The following SUGCT variants were observed in gnomAD, a reference collection of about 807,000 sequenced individuals.
The protein encoded by SUGCT is succinyl-CoA:glutarate-CoA transferase.
Under a neutral mutation model 55.0 loss-of-function variants are expected in SUGCT, and 41 were observed. The ratio of observed to expected loss-of-function variants is 0.74; its 90% confidence interval spans 0.58 to 0.97. The LOEUF is 0.97. SUGCT is among the 50% of genes least tolerant of loss of function. SUGCT has a pLI of 0.00. For synonymous variants in SUGCT, 187 were observed against 200.4 expected, an observed-to-expected ratio of 0.93 and a Z score of 0.56; for missense variants, 568 against 547.8, an observed-to-expected ratio of 1.04 and a Z score of -0.37.
the SUGCT span, among the ~76,000 whole-genome samples, chr7:41,037,853 G>C: frequency 6.6e-6 from 1 of 151,856 alleles, no homozygotes; most frequent in Admixed American, 6.6e-5. Context: ...GAAGCTCCTA[G>C]TTCTTGGCAG....
the SUGCT span, among the ~76,000 whole-genome samples, chr7:40,907,731 A>C: frequency 3.3e-5 from 5 of 152,190 alleles, no homozygotes; most frequent in Non-Finnish European, 7.3e-5. Flanking sequence ...TTAATTCTGG[A>C]GGGATCTTTA....
intron 3 of SUGCT, among the ~76,000 whole-genome samples, chr7:40,186,950 C>A (rs1785549443): frequency 6.6e-6 from 1 of 152,148 alleles, no homozygotes; most frequent in Admixed American, 6.6e-5. Context: ...GAAATCATGG[C>A]AGCTAGTTAA....
intron 1 of SUGCT, among the ~76,000 whole-genome samples, chr7:40,151,031 T>C (rs1223193910): frequency 1.3e-5 from 2 of 152,018 alleles, no homozygotes; most frequent in African/African-American, 4.8e-5. Context: ...GATCAGGAGA[T>C]TGAGACCTTG....
intron 12 of SUGCT, among the ~76,000 whole-genome samples, chr7:40,617,205 T>C (rs1487079994): frequency 6.6e-6 from 1 of 152,236 alleles, no homozygotes; most frequent in Non-Finnish European, 1.5e-5. Flanking sequence ...ACTATTTTAA[T>C]GTCTAGCTGA....
the SUGCT span, among the ~76,000 whole-genome samples, chr7:41,027,409 A>G: frequency 1.3e-5 from 2 of 152,232 alleles, no homozygotes; most frequent in Non-Finnish European, 2.9e-5. Flanking sequence ...GACCATGAGC[A>G]GAAAAATGGT....
intron 8 of SUGCT, among the ~76,000 whole-genome samples, chr7:40,279,282 T>C (rs1397986739): frequency 6.6e-6 from 1 of 152,148 alleles, no homozygotes; most frequent in Non-Finnish European, 1.5e-5. Context: ...TAAGGGACCA[T>C]TCCTAAACTG....
intron 12 of SUGCT, among the ~76,000 whole-genome samples, chr7:40,673,799 C>G (rs978899064): frequency 6.6e-6 from 1 of 152,102 alleles, no homozygotes; most frequent in Non-Finnish European, 1.5e-5. Context: ...GCTTTGGAGC[C>G]GATTCTATCT....
At position 40,256,952 on chromosome 7, in the gene SUGCT, C is replaced by T. The variant is rs551469319; in HGVS notation, c.577-17561C>T. ...AGAGATGGGGTTTCACCATCTTGGC[C>T]GGGCTGGTCTCAAACTCCTGACCTC... On this transcript the variant is annotated intron_variant, in intron 7 of 13. Transcript: ENST00000335693. Among the ~76,000 whole-genome samples, 124 of 152,180 alleles carry T rather than the reference C, an allele frequency of 8.1e-4. 1 individual carries two copies. Among genetic ancestry groups the T allele is most frequent in the South Asian group, 1.7e-3 (8 of 4,820 alleles).
Position 40,324,648 on chromosome 7 carries a change from A to G in SUGCT, c.816+7793A>G, listed in dbSNP as rs73320577. Among the ~76,000 whole-genome samples, 429 of 152,250 alleles carry G rather than the reference A, an allele frequency of 2.8e-3. 1 individual carries two copies. Among genetic ancestry groups the G allele is most frequent in the African/African-American group, 9.5e-3 (396 of 41,548 alleles). ...ATCCTATCCTATTTCTATATGTGCTACTATACAGGACTCTTCCAAAAAATT... is the reference window on the plus strand; with the variant it reads ...ATCCTATCCTATTTCTATATGTGCTGCTATACAGGACTCTTCCAAAAAATT... On this transcript the variant is annotated intron_variant, in intron 9 of 13. Transcript: ENST00000335693.
At chr7:40,385,406 G>T (rs963862222) in intron 9 of SUGCT, among the ~76,000 whole-genome samples, 2 of 152,142 alleles carry the variant, frequency 1.3e-5, no homozygotes, top group Non-Finnish European at 2.9e-5. Context: ...GTTGTAGTAA[G>T]ATTTAAGTGA....
chr7:40,875,292 A>T, the SUGCT span, among the ~76,000 whole-genome samples: 3 of 152,184 alleles, frequency 2.0e-5, no homozygotes, highest in Admixed American at 2.0e-4. Context: ...TCAGAAATTT[A>T]TTTTTCCATG....
At chr7:40,207,807 T>A (rs1430917517) in intron 6 of SUGCT, among the ~76,000 whole-genome samples, 3 of 151,564 alleles carry the variant, frequency 2.0e-5, no homozygotes, top group South Asian at 4.2e-4. Flanking sequence ...AAAAAAAAAA[T>A]TATACACAGA....
At chr7:40,538,047 C>T (rs561662816) in intron 12 of SUGCT, 5 of 152,064 alleles carry the variant, frequency 3.3e-5, no homozygotes, top group Admixed American at 3.3e-4. Context: ...CTGTTATATC[C>T]TCATTTGCAT....
At chr7:40,963,431 T>G in the SUGCT span, among the ~76,000 whole-genome samples, 2 of 152,326 alleles carry the variant, frequency 1.3e-5, no homozygotes, top group Admixed American at 1.3e-4. Flanking sequence ...AATTGATACT[T>G]TTTAAACATC....
chr7:40,747,312 T>C (rs1787783871), intron 12 of SUGCT, among the ~76,000 whole-genome samples: 1 of 152,182 alleles, frequency 6.6e-6, no homozygotes, highest in East Asian at 1.9e-4. Context: ...AAAACTGTAG[T>C]TCTAAACTTA....
At chr7:40,215,744 C>A (rs968454468) in intron 6 of SUGCT, among the ~76,000 whole-genome samples, 5 of 151,968 alleles carry the variant, frequency 3.3e-5, no homozygotes, top group African/African-American at 1.2e-4. Flanking sequence ...CGCCTGTAGT[C>A]CCAGCTACTT....
chr7:40,384,858 A>G (rs914229308), intron 9 of SUGCT, among the ~76,000 whole-genome samples: 3 of 152,018 alleles, frequency 2.0e-5, no homozygotes, highest in Admixed American at 1.3e-4. Context: ...TCAGTCATTC[A>G]TTCTACAAAG....
chr7:40,895,342 GA>G, the SUGCT span, among the ~76,000 whole-genome samples: 1,902 of 151,868 alleles, frequency 0.013, 36 homozygotes, highest in African/African-American at 0.043. Context: ...GAGAGGATCA[GA>G]AAAAAATACC....
At chr7:40,414,334 C>T (rs1040267356) in intron 9 of SUGCT, among the ~76,000 whole-genome samples, 4 of 152,076 alleles carry the variant, frequency 2.6e-5, no homozygotes, top group Admixed American at 6.6e-5. Context: ...ATTCCTTTGT[C>T]GAACATATCC....
Sources: gnomAD v4.1 joint callset for allele counts (sites outside exome capture counted in the v4.1 genomes callset) on GRCh38, gnomAD v4.1.1 for gene constraint, MANE v1.5 for transcripts, NCBI Gene and HGNC (gene_info 2026-07-23, HGNC 2026-07-21) for gene names.